APOO: variants seen among roughly 807,000 people sequenced by gnomAD.
The protein encoded by APOO is MICOS complex subunit MIC26.
Under a neutral mutation model 23.1 loss-of-function variants are expected in APOO, and 11 were observed. The observed-to-expected ratio is 0.48, with a 90% confidence interval of 0.30 to 0.79. The LOEUF (loss-of-function observed/expected upper bound fraction) is 0.79, where lower values mean the gene tolerates loss of function less well. Among genes scored for constraint, APOO ranks in the 30% least tolerant of loss-of-function variants. The pLI, the probability that APOO is intolerant of heterozygous loss-of-function variation, is 0.07. For missense variants in APOO, 160 were observed against 142.7 expected (o/e 1.12, Z -0.62); for synonymous variants, 59 against 54.8 (o/e 1.08, Z -0.34).
chrX:23,857,740 T>C (rs1308429667), intron 6 of APOO, among the ~76,000 whole-genome samples: 1 of 111,374 alleles, frequency 9.0e-6, no homozygotes, highest in African/African-American at 3.3e-5. Context: ...AGTCCCTGTG[T>C]CCACAATCTG....
intron 8 of APOO, among the ~76,000 whole-genome samples, chrX:23,838,576 C>T (rs1923823704): frequency 9.5e-6 from 1 of 105,408 alleles, no homozygotes; most frequent in African/African-American, 3.5e-5. Flanking sequence ...ACCACCATGC[C>T]TGGCTTTTTT....
intron 1 of APOO, among the ~76,000 whole-genome samples, chrX:23,894,070 T>G (rs1167638113): frequency 9.0e-6 from 1 of 111,621 alleles, no homozygotes; most frequent in Non-Finnish European, 1.9e-5. Flanking sequence ...CCTTGATAAA[T>G]CATATATGGA....
At chrX:23,889,656 GTTTTTT>G (rs138373055) in intron 1 of APOO, among the ~76,000 whole-genome samples, 2 of 61,876 alleles carry the variant, frequency 3.2e-5, no homozygotes, top group Admixed American at 3.9e-4. Flanking sequence ...CTGGGGAGTT[GTTTTTT>G]TTTTTTTTTT....
At chrX:23,904,853 T>C (rs192978903) in intron 1 of APOO, among the ~76,000 whole-genome samples, 16 of 111,598 alleles carry the variant, frequency 1.4e-4, no homozygotes, top group Admixed American at 1.1e-3. Flanking sequence ...ATTCTTCCTC[T>C]GGACTTTGTG....
At chrX:23,846,989 C>A (rs907147092) in intron 7 of APOO, among the ~76,000 whole-genome samples, 2 of 111,047 alleles carry the variant, frequency 1.8e-5, no homozygotes, top group Non-Finnish European at 3.8e-5. Context: ...AAATAAAGAA[C>A]CCTTATAAAT....
chrX:23,863,676 G>A (rs940403388), intron 5 of APOO, among the ~76,000 whole-genome samples: 2 of 110,779 alleles, frequency 1.8e-5, no homozygotes, highest in Admixed American at 9.9e-5. Context: ...CAACAGCACG[G>A]CAGAGTAAAC....
At chrX:23,905,454 T>C (rs950101965) in intron 1 of APOO, among the ~76,000 whole-genome samples, 12 of 110,756 alleles carry the variant, frequency 1.1e-4, no homozygotes, top group African/African-American at 3.9e-4. Context: ...GTCTTTCCCT[T>C]GACACATCAA....
At chrX:23,852,874 T>C (rs746185899) in intron 7 of APOO, among the ~76,000 whole-genome samples, 5 of 110,696 alleles carry the variant, frequency 4.5e-5, no homozygotes, top group Non-Finnish European at 9.4e-5. Context: ...TTTTGAATTA[T>C]TTGATAGTCT....
chrX:23,896,064 T>A (rs1296686890), intron 1 of APOO, among the ~76,000 whole-genome samples: 1 of 110,328 alleles, frequency 9.1e-6, no homozygotes, highest in Non-Finnish European at 1.9e-5. Flanking sequence ...GGTCAGTGGT[T>A]CGAGACCAGC....
At chrX:23,883,187 A>C (rs776545196) in intron 1 of APOO, among the ~76,000 whole-genome samples, 1 of 111,821 alleles carries the variant, frequency 8.9e-6, no homozygotes, top group South Asian at 3.7e-4. Context: ...GCCTGTGCCC[A>C]CCAACCTAGG....
At chrX:23,840,281 G>T in intron 8 of APOO, 32 bp downstream of exon 8, 2 of 1,017,823 alleles carry the variant, frequency 2.0e-6, no homozygotes, top group Non-Finnish European at 2.6e-6. Flanking sequence ...CTACAATGCT[G>T]AAAATAATCA....
intron 4 of APOO, among the ~76,000 whole-genome samples, chrX:23,870,898 G>GA (rs1569235864): frequency 9.0e-6 from 1 of 110,684 alleles, no homozygotes; most frequent in Non-Finnish European, 1.9e-5. Flanking sequence ...AGACCAGCTT[G>GA]ACCAACATGG....
At position 23,904,429 on chromosome X, in the gene APOO, T is replaced by C. The variant is rs543513112; in HGVS notation, c.9+3265A>G. ...AATGAGAAAGTGTGTATGTTACTAG[T>C]AGTCATCTTGCAACCCTAAAGGAAA... On this transcript the variant is annotated intron_variant, in intron 1 of 8. Coordinates refer to ENST00000379226, the MANE Select transcript of APOO (RefSeq NM_024122.5). Among the ~76,000 whole-genome samples the C allele has an allele frequency of 3.5e-4, 39 of 110,033 alleles. No individual in the cohort carries two copies. The South Asian group carries it at 0.013, about 37-fold the overall frequency.
chrX:23,836,604 C>T (rs1008502664), intron 8 of APOO: 8 of 692,030 alleles, frequency 1.2e-5, no homozygotes, highest in East Asian at 1.1e-4. Context: ...TGAGCCACCA[C>T]GCCCAGCCCC....
intron 4 of APOO, among the ~76,000 whole-genome samples, chrX:23,873,020 C>T (rs1925689058): frequency 9.1e-6 from 1 of 109,616 alleles, no homozygotes; most frequent in African/African-American, 3.3e-5. Context: ...CACTGCACTC[C>T]AGCCTGGGCA....
At chrX:23,843,032 C>G (rs189939964) in intron 7 of APOO, among the ~76,000 whole-genome samples, 5 of 110,869 alleles carry the variant, frequency 4.5e-5, no homozygotes, top group Admixed American at 3.9e-4. Context: ...AACAAACAAA[C>G]AAAAAAACAA....
Position 23,840,301 on chromosome X carries a change from C to A in APOO, c.*29+12G>T, listed in dbSNP as rs764867623. The A allele has an allele frequency of 5.4e-6, 6 of 1,117,778 alleles. No homozygotes were observed. The highest frequency in any genetic ancestry group is 2.3e-5 in the South Asian group (1 of 43,271). 92.1% of individuals were successfully genotyped at this position (1,117,778 alleles called of 1,213,427 possible). On this transcript the variant is annotated intron_variant, in intron 8 of 8. Transcript: ENST00000379226. The stretch of plus-strand genomic sequence containing the variant: ...ATGCTGAAAATAATCACAGAAATTT[C>A]TTGTTTTTTACCTGATTAAGATGGC...
rs1437884989 is a variant in APOO, at chrX:23,888,856, A to AC, written c.10-7905_10-7904insG. Among the ~76,000 whole-genome samples, 3 of 106,681 alleles carry AC rather than the reference A, an allele frequency of 2.8e-5. No individual in the cohort carries two copies. The Admixed American group carries it at 3.1e-4, about 11-fold the overall frequency. The allele number at this position is 106,681 out of a possible 115,157, so 92.6% of individuals were successfully genotyped here. ...CAGAGTGAGATTTCATCTCAAAAAAAAAAAAAAAAAAAAAAGATTCAGGCA... is the reference window on the plus strand; with the variant it reads ...CAGAGTGAGATTTCATCTCAAAAAAACAAAAAAAAAAAAAAAGATTCAGGCA... On this transcript the variant is annotated intron_variant, in intron 1 of 8. Coordinates refer to ENST00000379226, the MANE Select transcript of APOO (RefSeq NM_024122.5).
At chrX:23,847,867 ATATT>A (rs989849558) in intron 7 of APOO, among the ~76,000 whole-genome samples, 12 of 104,855 alleles carry the variant, frequency 1.1e-4, no homozygotes, top group South Asian at 4.1e-4. Flanking sequence ...ATATATATAT[ATATT>A]TATTTATTTA....
Sources: allele counts gnomAD v4.1 joint callset (sites outside exome capture counted in the v4.1 genomes callset), GRCh38; gene constraint gnomAD v4.1.1; transcripts MANE v1.5; gene names NCBI Gene and HGNC (gene_info 2026-07-23, HGNC 2026-07-21).